Variants in SGPP2 observed in about 807,000 individuals in gnomAD.
The protein encoded by SGPP2 is sphingosine-1-phosphate phosphatase 2, also known as sphingosine 1-phosphate phosphohydrolase 2.
SGPP2 carries 30 observed loss-of-function variants against 33.9 expected under a neutral mutation model. That is an observed-to-expected ratio of 0.89 (90% CI 0.66 to 1.20). The LOEUF (loss-of-function observed/expected upper bound fraction) is 1.20. Among genes scored for constraint, SGPP2 ranks in the 50% most tolerant of loss-of-function variants. The pLI is 0.00. For missense variants in SGPP2, 458 were observed against 532.1 expected (o/e 0.86, Z 1.37); for synonymous variants, 233 against 225.0 (o/e 1.04, Z -0.32).
At chr2:222,484,955 G>T (rs564908581) in intron 2 of SGPP2, among the ~76,000 whole-genome samples, 17 of 152,240 alleles carry the variant, frequency 1.1e-4, no homozygotes, top group African/African-American at 3.9e-4. Context: ...CTGCCGTCTT[G>T]AATTGTTATG....
chr2:222,499,356 T>C (rs1289432856), intron 2 of SGPP2, among the ~76,000 whole-genome samples: 2 of 152,204 alleles, frequency 1.3e-5, no homozygotes, highest in Admixed American at 1.3e-4. Context: ...GGAAAATCAA[T>C]GGCTCCCTGC....
intron 1 of SGPP2, among the ~76,000 whole-genome samples, chr2:222,456,397 G>A (rs1280427047): frequency 6.6e-6 from 1 of 152,096 alleles, no homozygotes. Context: ...AATGCAACTG[G>A]TACTATTGGG....
intron 2 of SGPP2, among the ~76,000 whole-genome samples, chr2:222,497,557 T>C (rs1698301623): frequency 6.6e-6 from 1 of 152,230 alleles, no homozygotes; most frequent in Non-Finnish European, 1.5e-5. Context: ...GATCTCTTTC[T>C]TAACCTTGTA....
chr2:222,518,551 C>T (rs1275915720), intron 2 of SGPP2, among the ~76,000 whole-genome samples: 1 of 152,162 alleles, frequency 6.6e-6, no homozygotes. Context: ...ATATTTCAAG[C>T]AGCTTCTGAG....
chr2:222,442,694 A>G (rs1334450331), intron 1 of SGPP2, among the ~76,000 whole-genome samples: 3 of 152,236 alleles, frequency 2.0e-5, no homozygotes, highest in African/African-American at 4.8e-5. Context: ...AATGCTTTTT[A>G]AGAAACCAAA....
rs536037188 is a variant in SGPP2, at chr2:222,452,511, A to T, written c.220-22057A>T. Reference sequence around the variant, plus strand: ...TTATTACGTTATGGCTTTCCCCAGCAGTTTCCAAGGCAAACTGGCAGGAGA... The same window carrying T: ...TTATTACGTTATGGCTTTCCCCAGCTGTTTCCAAGGCAAACTGGCAGGAGA... On this transcript the variant is annotated intron_variant, in intron 1 of 4. Coordinates refer to ENST00000321276, the MANE Select transcript of SGPP2 (RefSeq NM_152386.4). The T allele has an allele frequency of 4.8e-5, 44 of 921,798 alleles. No homozygotes were observed. In the African/African-American group the frequency reaches 6.4e-4, roughly 14 times the overall value. 57.1% of individuals were successfully genotyped at this position (921,798 alleles called of 1,614,324 possible). A position where few individuals can be genotyped will look rare whatever the true frequency, so the allele number is the denominator to read the frequency against.
intron 4 of SGPP2, among the ~76,000 whole-genome samples, chr2:222,530,388 C>A (rs961899039): frequency 6.6e-6 from 1 of 152,218 alleles, no homozygotes; most frequent in African/African-American, 2.4e-5. Flanking sequence ...TACATTAAAA[C>A]GCTGTTGTGT....
chr2:222,428,094 A>G (rs1697098550), intron 1 of SGPP2, among the ~76,000 whole-genome samples: 1 of 152,212 alleles, frequency 6.6e-6, no homozygotes, highest in African/African-American at 2.4e-5. Context: ...TGCAGATTCC[A>G]GGGAAAATTC....
intron 4 of SGPP2, among the ~76,000 whole-genome samples, chr2:222,531,714 A>C (rs1054903457): frequency 1.3e-5 from 2 of 152,208 alleles, no homozygotes; most frequent in Non-Finnish European, 2.9e-5. Flanking sequence ...ATTAATAGAT[A>C]TATGGAGGTG....
At chr2:222,481,132 T>C (rs1340169070) in intron 2 of SGPP2, among the ~76,000 whole-genome samples, 1 of 152,126 alleles carries the variant, frequency 6.6e-6, no homozygotes, top group African/African-American at 2.4e-5. Context: ...GAATAGCTAA[T>C]GGATACTGGG....
chr2:222,442,978 A>G (rs553234524), intron 1 of SGPP2, among the ~76,000 whole-genome samples: 30 of 152,338 alleles, frequency 2.0e-4, no homozygotes, highest in Admixed American at 6.5e-4. Context: ...ATGACATTAT[A>G]GTAAGGAATG....
chr2:222,533,687 C>T (rs1018077479), intron 4 of SGPP2, among the ~76,000 whole-genome samples: 1 of 152,098 alleles, frequency 6.6e-6, no homozygotes, highest in African/African-American at 2.4e-5. Context: ...TGACCTTCAT[C>T]AGAAGCTTCC....
intron 2 of SGPP2, among the ~76,000 whole-genome samples, chr2:222,495,071 G>C (rs1698256207): frequency 6.6e-6 from 1 of 151,158 alleles, no homozygotes; most frequent in Non-Finnish European, 1.5e-5. Flanking sequence ...AAAGTTGCTG[G>C]TGGTTTGAAA....
At chr2:222,463,469 T>C (rs1206841228) in intron 1 of SGPP2, among the ~76,000 whole-genome samples, 3 of 152,146 alleles carry the variant, frequency 2.0e-5, no homozygotes, top group African/African-American at 7.2e-5. Flanking sequence ...TAGTTGATCA[T>C]GGTGCCACAG....
chr2:222,434,517 C>T lies in SGPP2; in HGVS notation c.219+9696C>T, dbSNP rs141292399. 6.6e-3 allele frequency among the ~76,000 whole-genome samples: 1,007 copies of T among 152,216 alleles called. 6 individuals carry two copies. Among genetic ancestry groups the T allele is most frequent in the Non-Finnish European group, 9.7e-3 (658 of 68,006 alleles). On this transcript the variant is annotated intron_variant, in intron 1 of 4. Transcript: ENST00000321276. ...GAAAGGGGGCAGTGGTTTCCCTCAA[C>T]CATTTTAAATACTATTCTCTCCTCC... is the stretch of plus-strand genomic sequence containing the variant.
chr2:222,506,067 G>A (rs906101455), intron 2 of SGPP2, among the ~76,000 whole-genome samples: 2 of 152,094 alleles, frequency 1.3e-5, no homozygotes, highest in African/African-American at 4.8e-5. Flanking sequence ...AATTATAATG[G>A]CATAAATTAA....
chr2:222,426,804 T>TC (rs1697078215), intron 1 of SGPP2, among the ~76,000 whole-genome samples: 1 of 152,138 alleles, frequency 6.6e-6, no homozygotes, highest in African/African-American at 2.4e-5. Context: ...ACACATTGAT[T>TC]CCCCCCCTCA....
At chr2:222,491,039 T>C (rs1308726012) in intron 2 of SGPP2, among the ~76,000 whole-genome samples, 1 of 152,218 alleles carries the variant, frequency 6.6e-6, no homozygotes, top group East Asian at 1.9e-4. Context: ...GTGATTGTAC[T>C]CCAGTAATAA....
intron 2 of SGPP2, among the ~76,000 whole-genome samples, chr2:222,509,478 G>A (rs9288574): frequency 0.89 from 136,277 of 152,278 alleles, 61,425 homozygotes; most frequent in East Asian, 1. Flanking sequence ...AAAGCTAAAA[G>A]TTGTTCTGAA....
Sources: allele counts gnomAD v4.1 joint callset (sites outside exome capture counted in the v4.1 genomes callset), GRCh38; gene constraint gnomAD v4.1.1; transcripts MANE v1.5; gene names NCBI Gene and HGNC (gene_info 2026-07-23, HGNC 2026-07-21).